RAB5B: variants seen among roughly 807,000 people sequenced by gnomAD.
RAB5B encodes the protein ras-related protein Rab-5B.
In RAB5B, 11 loss-of-function variants were observed where a neutral mutation model predicts 28.6. The observed-to-expected ratio is 0.38, with a 90% CI of 0.24 to 0.64. RAB5B has a LOEUF of 0.64. Ranked by LOEUF, RAB5B falls within the 30% of genes least tolerant of loss-of-function variation. The probability of loss-of-function intolerance (pLI) is 0.53; values close to 1 mark genes in which losing one functional copy is unlikely to be tolerated. For missense variants in RAB5B, 169 were observed against 265.6 expected (o/e 0.64, Z 2.53); for synonymous variants, 93 against 97.9 (o/e 0.95, Z 0.29).
intron 1 of RAB5B, among the ~76,000 whole-genome samples, chr12:55,981,773 C>A (rs972177880): frequency 6.6e-6 from 1 of 151,352 alleles, no homozygotes; most frequent in Non-Finnish European, 1.5e-5. Context: ...GTTAATGGGT[C>A]ATTTTATAAG....
chr12:55,974,066 G>C (rs957116266), upstream of RAB5B: 1 of 153,004 alleles, frequency 6.5e-6, no homozygotes, highest in Admixed American at 6.5e-5. Flanking sequence ...GGAGGGGCAG[G>C]AGGGTTTGGT....
Position 55,992,493 on chromosome 12 carries a change from T to C in RAB5B, c.*281T>C, listed in dbSNP as rs2136493096. The C allele has an allele frequency of 1.7e-6, 1 of 596,464 alleles. No homozygotes were observed. The highest frequency in any genetic ancestry group is 1.8e-5 in the African/African-American group (1 of 54,906). 36.9% of individuals were successfully genotyped at this position (596,464 alleles called of 1,614,324 possible). On this transcript the variant is annotated 3_prime_UTR_variant, in exon 6 of 6. Coordinates refer to ENST00000360299, the MANE Select transcript of RAB5B (RefSeq NM_002868.4). ...AACTTTCTTCACTTTGTATTATAGG[T>C]ACAAGACAGCGACTTACGTATCTTT...
At chr12:55,975,814 A>C (rs1055792839) in intron 1 of RAB5B, among the ~76,000 whole-genome samples, 3 of 68,620 alleles carry the variant, frequency 4.4e-5, no homozygotes, top group African/African-American at 1.8e-4. Flanking sequence ...TTTTTTTTTG[A>C]GACGGAGTCT....
chr12:55,992,228 C>CAAACA lies in RAB5B; in HGVS notation c.*18_*22dup. On this transcript the variant is annotated 3_prime_UTR_variant, in exon 6 of 6. Transcript: ENST00000360299. Reference sequence around the variant, plus strand: ...TAGCAACTGAGGGGGTGGCTAGCAGCAAACAAGTATGGAGCTAGCACAAGA... The same window carrying CAAACA: ...TAGCAACTGAGGGGGTGGCTAGCAGCAAACAAAACAAGTATGGAGCTAGCACAAGA... 6.3e-7 allele frequency: 1 copy of CAAACA among 1,588,006 alleles called. No homozygotes were observed. Among genetic ancestry groups the CAAACA allele is most frequent in the Non-Finnish European group, 8.6e-7 (1 of 1,156,822 alleles).
At chr12:55,978,774 CT>C (rs35830890) in intron 1 of RAB5B, among the ~76,000 whole-genome samples, 49,322 of 136,324 alleles carry the variant, frequency 0.36, 7,536 homozygotes, top group African/African-American at 0.39. Flanking sequence ...GAAATACAGT[CT>C]TTTTTTTTTT....
intron 1 of RAB5B, among the ~76,000 whole-genome samples, chr12:55,974,901 G>C (rs1889603599): frequency 6.6e-6 from 1 of 150,676 alleles, no homozygotes; most frequent in Non-Finnish European, 1.5e-5. Context: ...AAAACTCCCA[G>C]GGTAGGGATG....
In RAB5B at chr12:55,992,131, GGGA is replaced by G. The variant is rs546890334; in HGVS notation, c.570_572del (p.Gly191del). ...TGCCAAAGAGTGAACCCCAGAATCT[GGGA>G]GGTGCAGCAGGCCGAAGCCGGGGTG... On this transcript the variant is annotated inframe_deletion, in exon 6 of 6. Coordinates refer to ENST00000360299, the MANE Select transcript of RAB5B (RefSeq NM_002868.4). 3,802 of 1,614,120 alleles carry G rather than the reference GGGA, an allele frequency of 2.4e-3. 8 individuals are homozygous for G. Among genetic ancestry groups the G allele is most frequent in the Middle Eastern group, 0.014 (84 of 6,062 alleles).
chr12:55,990,266 G>A, intron 3 of RAB5B, 168 bp downstream of exon 3: 1 of 735,692 alleles, frequency 1.4e-6, no homozygotes, highest in Non-Finnish European at 2.1e-6. Context: ...AAATTAGTTG[G>A]GCGTGGTGGT....
At chr12:55,984,029 C>G (rs964196946) in intron 1 of RAB5B, among the ~76,000 whole-genome samples, 1 of 151,704 alleles carries the variant, frequency 6.6e-6, no homozygotes, top group Non-Finnish European at 1.5e-5. Context: ...CGATCTCCCC[C>G]CTACCCACCC....
intron 1 of RAB5B, chr12:55,985,812 G>A: frequency 2.2e-6 from 1 of 444,976 alleles, no homozygotes; most frequent in South Asian, 1.6e-5. Flanking sequence ...GCACCAGCAA[G>A]ACAGCTGCAA....
Position 55,992,078 on chromosome 12 carries a change from C to G in RAB5B, c.533-19C>G, listed in dbSNP as rs773246897. ...AGTAAAGTCTACCATACTTTGTTCTCTTCTCTTTTTATCTCTAGCTAAGAA... is the reference window on the plus strand; with the variant it reads ...AGTAAAGTCTACCATACTTTGTTCTGTTCTCTTTTTATCTCTAGCTAAGAA... On this transcript the variant is annotated intron_variant, in intron 5 of 5. Coordinates refer to ENST00000360299, the MANE Select transcript of RAB5B (RefSeq NM_002868.4). The G allele has an allele frequency of 1.2e-6, 2 of 1,602,366 alleles. No homozygotes were observed. Among genetic ancestry groups the G allele is most frequent in the African/African-American group, 2.7e-5 (2 of 74,654 alleles).
intron 5 of RAB5B, 30 bp downstream of exon 5, chr12:55,991,483 T>C (rs764984293): frequency 6.4e-7 from 1 of 1,566,468 alleles, no homozygotes. Context: ...AGGTCCTCCT[T>C]TTTCCCTCGT....
At chr12:55,980,605 A>G in intron 1 of RAB5B, 2 of 1,600,106 alleles carry the variant, frequency 1.2e-6, no homozygotes, top group Non-Finnish European at 1.7e-6. Flanking sequence ...ATCGGATTCC[A>G]TGCTCTCGAG....
chr12:55,979,012 A>T (rs1297808361), intron 1 of RAB5B, among the ~76,000 whole-genome samples: 1 of 152,044 alleles, frequency 6.6e-6, no homozygotes, highest in Non-Finnish European at 1.5e-5. Context: ...ACCTCCAGTG[A>T]TCCATCTGCC....
intron 1 of RAB5B, chr12:55,980,360 A>C (rs551281874): frequency 7.6e-7 from 1 of 1,313,174 alleles, no homozygotes; most frequent in African/African-American, 1.5e-5. Flanking sequence ...TCCCCTGCTC[A>C]CTCCCTCTGC....
At chr12:55,987,179 TA>T in intron 2 of RAB5B, 56 bp downstream of exon 2, 1 of 1,418,160 alleles carries the variant, frequency 7.1e-7, no homozygotes, top group Non-Finnish European at 9.7e-7. Flanking sequence ...TTTTTTTTTT[TA>T]GATGGAGTCT....
rs1245061735 is a variant in RAB5B at position 55,991,402 on chromosome 12, G to C, written c.481G>C (p.Glu161Gln). 1.2e-6 allele frequency: 2 copies of C among 1,614,000 alleles called. No individual in the cohort carries two copies. Among genetic ancestry groups the C allele is most frequent in the Non-Finnish European group, 1.7e-6 (2 of 1,180,002 alleles). ...AGATGACAACAGCTTATTGTTCATG[G>C]AGACTTCAGCCAAGACAGCTATGAA... ...YADDNSLLFM[E>Q]TSAKTAMNVN... The change falls in exon 5 of 6, where the codon GAG becomes CAG. Residue 161 changes from glutamate to glutamine, a missense_variant. Physicochemically the swap from Glu to Gln is conservative, Grantham distance 29. Transcript: ENST00000360299.
At position 55,996,669 on chromosome 12, in the gene RAB5B, A is replaced by G. The variant is rs1244751517; in HGVS notation, c.*4457A>G. ...TTATTTTTTTTTTCTACGCAAAATA[A>G]AAGACGGCTATTCAGTGTTGTTGTT... On this transcript the variant is annotated 3_prime_UTR_variant, in exon 6 of 6. Transcript: ENST00000360299. The G allele has an allele frequency of 6.6e-6, 1 of 152,122 alleles. No homozygotes were observed. 9.4% of individuals were successfully genotyped at this position (152,122 alleles called of 1,614,324 possible).
At chr12:55,977,988 A>T (rs1313572861) in intron 1 of RAB5B, among the ~76,000 whole-genome samples, 1 of 152,136 alleles carries the variant, frequency 6.6e-6, no homozygotes, top group Non-Finnish European at 1.5e-5. Context: ...AATTCAGCGA[A>T]CTTTGTTTTT....
Sources: gnomAD v4.1 joint callset for allele counts (sites outside exome capture counted in the v4.1 genomes callset) on GRCh38, gnomAD v4.1.1 for gene constraint, MANE v1.5 for transcripts, NCBI Gene and HGNC (gene_info 2026-07-23, HGNC 2026-07-21) for gene names.